MACROD2: variants seen among roughly 807,000 people sequenced by gnomAD.
The protein encoded by MACROD2 is mono-ADP ribosylhydrolase 2.
MACROD2 carries 36 observed loss-of-function variants against 70.4 expected under a neutral mutation model. The observed-to-expected ratio is 0.51, with a 90% CI of 0.39 to 0.68. The LOEUF (loss-of-function observed/expected upper bound fraction) is 0.68, where lower values mean the gene tolerates loss of function less well. Ranked by LOEUF, MACROD2 falls within the 30% of genes least tolerant of loss-of-function variation. The probability of loss-of-function intolerance (pLI) is 0.00; values close to 1 mark genes in which losing one functional copy is unlikely to be tolerated. For missense variants in MACROD2, 496 were observed against 538.4 expected (o/e 0.92, Z 0.78); for synonymous variants, 172 against 178.8 (o/e 0.96, Z 0.30).
intron 10 of MACROD2, among the ~76,000 whole-genome samples, chr20:15,923,268 G>A (rs1056194196): frequency 6.6e-5 from 10 of 152,260 alleles, no homozygotes; most frequent in South Asian, 2.1e-4. Context: ...GACTCATGGC[G>A]GGAAGTGAAA....
At chr20:14,541,203 C>A (rs1473278687) in intron 4 of MACROD2, among the ~76,000 whole-genome samples, 1 of 152,072 alleles carries the variant, frequency 6.6e-6, no homozygotes, top group Non-Finnish European at 1.5e-5. Context: ...CTTTATGTGA[C>A]AATAGGTACT....
chr20:14,584,898 G>A (rs563313728), intron 4 of MACROD2, among the ~76,000 whole-genome samples: 8 of 152,136 alleles, frequency 5.3e-5, no homozygotes, highest in Admixed American at 2.0e-4. Context: ...TTGAATGATC[G>A]AATGAATGAT....
chr20:14,852,141 C>T (rs1010400565), intron 5 of MACROD2, among the ~76,000 whole-genome samples: 8 of 152,006 alleles, frequency 5.3e-5, no homozygotes, highest in African/African-American at 1.4e-4. Context: ...TGGGAGCAGG[C>T]GGGAGGAGGA....
At chr20:15,153,517 T>A (rs1428680227) in intron 5 of MACROD2, among the ~76,000 whole-genome samples, 1 of 152,096 alleles carries the variant, frequency 6.6e-6, no homozygotes, top group Non-Finnish European at 1.5e-5. Context: ...CTATAGCAGT[T>A]CCCATGAAAA....
At chr20:14,981,346 T>G (rs1296721745) in intron 5 of MACROD2, among the ~76,000 whole-genome samples, 1 of 151,764 alleles carries the variant, frequency 6.6e-6, no homozygotes, top group Non-Finnish European at 1.5e-5. Context: ...TAAGTTTCAC[T>G]TTTCCTTCAT....
chr20:15,799,178 C>T (rs1341737206), intron 8 of MACROD2, among the ~76,000 whole-genome samples: 1 of 152,092 alleles, frequency 6.6e-6, no homozygotes, highest in Non-Finnish European at 1.5e-5. Context: ...TCAAAAGAAA[C>T]ACTTTATATT....
intron 8 of MACROD2, among the ~76,000 whole-genome samples, chr20:15,674,832 G>A (rs7275081): frequency 6.6e-6 from 1 of 151,934 alleles, no homozygotes; most frequent in Non-Finnish European, 1.5e-5. Flanking sequence ...ATAGATGTAT[G>A]CATTATTTTT....
intron 4 of MACROD2, among the ~76,000 whole-genome samples, chr20:14,586,041 G>A (rs948575097): frequency 1.3e-5 from 2 of 152,080 alleles, no homozygotes; most frequent in Non-Finnish European, 2.9e-5. Context: ...ACTTGTGATG[G>A]CCTTGTTTGT....
chr20:15,470,482 G>C (rs6079847), intron 7 of MACROD2, among the ~76,000 whole-genome samples: 80,469 of 152,014 alleles, frequency 0.53, 22,961 homozygotes, highest in East Asian at 0.84. Flanking sequence ...AGGGGTTGGA[G>C]GGGGAAACTA....
chr20:14,201,213 A>G (rs1173056422), intron 3 of MACROD2, among the ~76,000 whole-genome samples: 1 of 152,194 alleles, frequency 6.6e-6, no homozygotes, highest in Non-Finnish European at 1.5e-5. Flanking sequence ...GTTAGTAGAA[A>G]AATGTTTCAA....
At chr20:15,215,208 C>G (rs2076799067) in intron 5 of MACROD2, among the ~76,000 whole-genome samples, 1 of 150,420 alleles carries the variant, frequency 6.6e-6, no homozygotes, top group Non-Finnish European at 1.5e-5. Flanking sequence ...AGTTCAAAGT[C>G]ATGAAAATAT....
Position 13,999,217 on chromosome 20 carries a change from C to A in MACROD2, c.47-3071C>A, listed in dbSNP as rs925047425. Among the ~76,000 whole-genome samples, 19 of 152,266 alleles carry A rather than the reference C, an allele frequency of 1.2e-4. 1 individual carries two copies. Among genetic ancestry groups the A allele is most frequent in the Middle Eastern group, 3.4e-3 (1 of 294 alleles). ...TTTCTTGGTGTCTTCAGGTTCCTCTCCATTGCCTGTAACAGTGCTCGGATC... is the reference window on the plus strand; with the variant it reads ...TTTCTTGGTGTCTTCAGGTTCCTCTACATTGCCTGTAACAGTGCTCGGATC... On this transcript the variant is annotated intron_variant, in intron 1 of 17. Transcript: ENST00000684519.
intron 5 of MACROD2, among the ~76,000 whole-genome samples, chr20:15,128,433 T>G (rs2076082059): frequency 6.6e-6 from 1 of 152,104 alleles, no homozygotes; most frequent in African/African-American, 2.4e-5. Flanking sequence ...TTAAATTATG[T>G]TTTATTGTAT....
intron 5 of MACROD2, among the ~76,000 whole-genome samples, chr20:15,113,830 T>C (rs1014791069): frequency 6.6e-6 from 1 of 151,836 alleles, no homozygotes; most frequent in African/African-American, 2.4e-5. Context: ...GTTCTTTTTA[T>C]TTTTATGGAA....
At chr20:15,566,975 A>G (rs565704493) in intron 8 of MACROD2, among the ~76,000 whole-genome samples, 22 of 152,276 alleles carry the variant, frequency 1.4e-4, no homozygotes, top group African/African-American at 5.3e-4. Flanking sequence ...AAAAATTCAG[A>G]AGTGAGAAAG....
At chr20:15,549,099 T>G (rs1438579580) in intron 8 of MACROD2, among the ~76,000 whole-genome samples, 1 of 152,246 alleles carries the variant, frequency 6.6e-6, no homozygotes, top group Non-Finnish European at 1.5e-5. Context: ...TGTAAGATAG[T>G]AAGATAGTTG....
chr20:15,755,384 C>A (rs189822958), intron 8 of MACROD2, among the ~76,000 whole-genome samples: 10 of 152,236 alleles, frequency 6.6e-5, no homozygotes, highest in African/African-American at 2.4e-4. Context: ...AATATGTAAT[C>A]CAACATTGGA....
intron 2 of MACROD2, among the ~76,000 whole-genome samples, chr20:14,006,710 T>A (rs1487836695): frequency 6.6e-6 from 1 of 152,174 alleles, no homozygotes; most frequent in Non-Finnish European, 1.5e-5. Context: ...TAGTTACCTT[T>A]CTCTGTCCTT....
intron 6 of MACROD2, among the ~76,000 whole-genome samples, chr20:15,367,162 G>T (rs1461138306): frequency 1.3e-5 from 2 of 151,530 alleles, no homozygotes; most frequent in Non-Finnish European, 2.9e-5. Flanking sequence ...TGGGTAGCTG[G>T]GACTACAAGC....
Sources: allele counts gnomAD v4.1 joint callset (sites outside exome capture counted in the v4.1 genomes callset), GRCh38; gene constraint gnomAD v4.1.1; transcripts MANE v1.5; gene names NCBI Gene and HGNC (gene_info 2026-07-23, HGNC 2026-07-21).